The following TBC1D23 variants were observed in gnomAD, a reference collection of about 807,000 sequenced individuals.
The protein encoded by TBC1D23 is HCV non-structural protein 4A-transactivated protein 1.
In TBC1D23, 55 loss-of-function variants were observed where a neutral mutation model predicts 91.4. That is an observed-to-expected ratio of 0.60 (90% CI 0.48 to 0.75). The LOEUF is 0.75. Ranked by LOEUF, TBC1D23 falls within the 30% of genes least tolerant of loss-of-function variation. The pLI, the probability that TBC1D23 is intolerant of heterozygous loss-of-function variation, is 0.00. For synonymous variants in TBC1D23, 289 were observed against 281.0 expected, an observed-to-expected ratio of 1.03 and a Z score of -0.28; for missense variants, 725 against 836.1, an observed-to-expected ratio of 0.87 and a Z score of 1.64.
chr3:100,321,109 A>G, intron 18 of TBC1D23, 138 bp downstream of exon 18: 1 of 645,746 alleles, frequency 1.5e-6, no homozygotes, highest in Non-Finnish European at 2.6e-6. Context: ...AGTGTTTCTT[A>G]TCTCTTTCTC....
chr3:100,323,237 A>G (rs1705895406), intron 18 of TBC1D23, among the ~76,000 whole-genome samples: 1 of 152,216 alleles, frequency 6.6e-6, no homozygotes. Flanking sequence ...TGATTTTTGT[A>G]GCTAATTGAA....
At chr3:100,297,809 A>G (rs1192638878) in intron 8 of TBC1D23, 114 bp from the exon 9 acceptor site, 2 of 854,440 alleles carry the variant, frequency 2.3e-6, no homozygotes, top group Non-Finnish European at 3.4e-6. Flanking sequence ...GTTTTAAAAA[A>G]TCACAACTCA....
intron 1 of TBC1D23, among the ~76,000 whole-genome samples, chr3:100,273,311 G>A (rs951066525): frequency 6.6e-6 from 1 of 152,078 alleles, no homozygotes; most frequent in Non-Finnish European, 1.5e-5. Context: ...CACATGTCTT[G>A]GGGGTAAGGT....
At chr3:100,270,216 C>T (rs2148849776) in intron 1 of TBC1D23, among the ~76,000 whole-genome samples, 1 of 152,178 alleles carries the variant, frequency 6.6e-6, no homozygotes, top group Admixed American at 6.5e-5. Context: ...GTAGTAGGTG[C>T]TCAATACATA....
chr3:100,319,717 C>T (rs1341884622), intron 17 of TBC1D23, among the ~76,000 whole-genome samples: 3 of 152,172 alleles, frequency 2.0e-5, no homozygotes, highest in Admixed American at 6.5e-5. Flanking sequence ...TGTGAGCCAC[C>T]GTGGCCGGCC....
chr3:100,300,431 C>T (rs1422495267), intron 10 of TBC1D23, among the ~76,000 whole-genome samples: 1 of 151,608 alleles, frequency 6.6e-6, no homozygotes, highest in Non-Finnish European at 1.5e-5. Flanking sequence ...GTGCCTTTCT[C>T]TTCCTTGATT....
At position 100,261,047 on chromosome 3, in the gene TBC1D23, T is replaced by C. The variant is rs748750160; in HGVS notation, c.29T>C (p.Leu10Pro). Reference sequence around the variant, plus strand: ...GCGGAAGGAGAAGATGTGCCGCCGCTGCCAACGTCGAGCGGCGACGGCTGG... The same window carrying C: ...GCGGAAGGAGAAGATGTGCCGCCGCCGCCAACGTCGAGCGGCGACGGCTGG... MAEGEDVPP[L>P]PTSSGDGWEK... The change falls in exon 1 of 19, where the codon CTG becomes CCG. Residue 10 changes from leucine to proline, a missense_variant. By Grantham distance (98) the Leu-to-Pro change is moderately conservative. Coordinates refer to ENST00000394144, the MANE Select transcript of TBC1D23 (RefSeq NM_001199198.3). The C allele has an allele frequency of 6.2e-7, 1 of 1,614,138 alleles. No homozygotes were observed. The highest frequency in any genetic ancestry group is 2.2e-5 in the East Asian group (1 of 44,892).
intron 13 of TBC1D23, among the ~76,000 whole-genome samples, chr3:100,309,751 C>T (rs1302389986): frequency 6.6e-6 from 1 of 151,870 alleles, no homozygotes; most frequent in Non-Finnish European, 1.5e-5. Flanking sequence ...GCTGGGATTA[C>T]AAGCACCCAT....
Position 100,262,475 on chromosome 3 carries a change from A to G in TBC1D23, c.53+1404A>G, listed in dbSNP as rs79652121. Among the ~76,000 whole-genome samples the G allele has an allele frequency of 1.4e-3, 220 of 152,342 alleles. 2 individuals are homozygous for G. In the East Asian group the frequency reaches 0.017, roughly 12 times the overall value. ...CGCGGTGGCTCACGCCTGTAATCCC[A>G]GCACTTTGGGAGGCCGAGGCGGGCG... On this transcript the variant is annotated intron_variant, in intron 1 of 18. Coordinates refer to ENST00000394144, the MANE Select transcript of TBC1D23 (RefSeq NM_001199198.3).
chr3:100,321,079 A>G (rs1705850528), intron 18 of TBC1D23, 108 bp downstream of exon 18: 3 of 804,104 alleles, frequency 3.7e-6, no homozygotes, highest in East Asian at 2.8e-5. Flanking sequence ...ATGGTGGAAT[A>G]GGATAGCTGA....
chr3:100,291,691 A>G (rs1273900430), intron 5 of TBC1D23, among the ~76,000 whole-genome samples: 2 of 151,108 alleles, frequency 1.3e-5, no homozygotes, highest in East Asian at 1.9e-4. Context: ...ATAAACAACT[A>G]TTTTCCAAAA....
intron 10 of TBC1D23, among the ~76,000 whole-genome samples, chr3:100,300,556 C>T (rs994877217): frequency 2.1e-5 from 3 of 141,800 alleles, no homozygotes; most frequent in African/African-American, 7.9e-5. Flanking sequence ...GGCTGGAGTA[C>T]AGTGTTATGA....
intron 9 of TBC1D23, 37 bp from the exon 10 acceptor site, chr3:100,299,202 G>A (rs754158777): frequency 2.2e-5 from 31 of 1,403,094 alleles, no homozygotes; most frequent in African/African-American, 9.9e-5. Flanking sequence ...GAACCTCATG[G>A]GAAATTCCTG....
chr3:100,321,008 G>GATA, intron 18 of TBC1D23, 37 bp downstream of exon 18: 1 of 1,442,588 alleles, frequency 6.9e-7, no homozygotes, highest in Non-Finnish European at 9.5e-7. Context: ...TCTGAATTCA[G>GATA]ATATTATCTG....
chr3:100,261,132 CG>C, intron 1 of TBC1D23, 61 bp downstream of exon 1: 1 of 1,528,824 alleles, frequency 6.5e-7, no homozygotes, highest in South Asian at 1.1e-5. Context: ...ACCATCTTGC[CG>C]GTCCCCGAGG....
intron 1 of TBC1D23, among the ~76,000 whole-genome samples, chr3:100,266,808 A>C (rs2067561710): frequency 6.6e-6 from 1 of 152,256 alleles, no homozygotes; most frequent in Non-Finnish European, 1.5e-5. Flanking sequence ...ACTTTTAAGT[A>C]GGAGTCTTCT....
intron 18 of TBC1D23, among the ~76,000 whole-genome samples, chr3:100,322,085 A>C (rs983575506): frequency 6.8e-5 from 10 of 148,102 alleles, no homozygotes; most frequent in Admixed American, 2.8e-4. Context: ...AATAAATATA[A>C]ATTTTTTAAA....
intron 1 of TBC1D23, among the ~76,000 whole-genome samples, chr3:100,266,318 G>T (rs1438281703): frequency 1.3e-5 from 2 of 151,402 alleles, no homozygotes; most frequent in African/African-American, 4.9e-5. Context: ...CACCCAGGCT[G>T]GAGTGCAGTG....
At chr3:100,266,681 CAATT>C (rs1229453353) in intron 1 of TBC1D23, among the ~76,000 whole-genome samples, 1 of 152,180 alleles carries the variant, frequency 6.6e-6, no homozygotes, top group Non-Finnish European at 1.5e-5. Flanking sequence ...AAATGTATTT[CAATT>C]AATTCATTTT....
Sources: gnomAD v4.1 joint callset for allele counts (sites outside exome capture counted in the v4.1 genomes callset) on GRCh38, gnomAD v4.1.1 for gene constraint, MANE v1.5 for transcripts, NCBI Gene and HGNC (gene_info 2026-07-23, HGNC 2026-07-21) for gene names.